ADAMTS9: variants seen among roughly 807,000 people sequenced by gnomAD.
ADAMTS9 encodes ADAM metallopeptidase with thrombospondin type 1 motif 9, also known as A disintegrin and metalloproteinase with thrombospondin motifs 9.
A neutral mutation model predicts 257.1 loss-of-function variants in ADAMTS9; 107 were observed. The ratio of observed to expected loss-of-function variants is 0.42; its 90% CI spans 0.36 to 0.49. The LOEUF is 0.49. ADAMTS9 is among the 20% of genes least tolerant of loss of function. The probability of loss-of-function intolerance (pLI) is 0.03; values close to 1 mark genes in which losing one functional copy is unlikely to be tolerated. For missense variants in ADAMTS9, 2,353 were observed against 2,469.1 expected (o/e 0.95, Z 1.00); for synonymous variants, 982 against 880.9 (o/e 1.11, Z -2.03).
rs1476974368 is a variant in ADAMTS9 at position 64,687,382 on chromosome 3, T to G, written c.115+161A>C. Among the ~76,000 whole-genome samples, 1 of 152,010 alleles carries G rather than the reference T, an allele frequency of 6.6e-6. No homozygotes were observed. Among genetic ancestry groups the G allele is most frequent in the Non-Finnish European group, 1.5e-5 (1 of 68,004 alleles). ...TTTCCATAGTGTCCCTCCCTAGCAA[T>G]TGGTTGGGGATGACCCAAAGAAGGG... On this transcript the variant is annotated intron_variant, in intron 1 of 39. Transcript: ENST00000498707. The surrounding 1 kb of genome is among the most constrained non-coding windows in gnomAD (Gnocchi z 4.4).
rs149822720 is a variant in ADAMTS9, at chr3:64,572,486, T to C, written c.4357-3951A>G. The stretch of plus-strand genomic sequence containing the variant: ...TCTCTGGTTTTAGGGATGCCCCACA[T>C]TGGTCCTTTCACTTATACAGAGGAA... On this transcript the variant is annotated intron_variant, in intron 28 of 39. Transcript: ENST00000498707. 5.5e-3 allele frequency among the ~76,000 whole-genome samples: 835 copies of C among 152,274 alleles called. 13 individuals are homozygous for C. The highest frequency in any genetic ancestry group is 0.04 in the East Asian group (208 of 5,154).
chr3:64,646,971 C>G (rs1700809706), intron 11 of ADAMTS9, among the ~76,000 whole-genome samples: 1 of 152,154 alleles, frequency 6.6e-6, no homozygotes, highest in Non-Finnish European at 1.5e-5. Context: ...GTTCCATCAT[C>G]TCTTAGGACT....
intron 22 of ADAMTS9, among the ~76,000 whole-genome samples, chr3:64,610,695 G>A (rs1015236952): frequency 1.3e-5 from 2 of 152,064 alleles, no homozygotes; most frequent in Admixed American, 1.3e-4. Context: ...TTTTGGCGAG[G>A]ATGTGGAGAG....
In ADAMTS9 at chr3:64,687,186, A is replaced by AT. The variant is rs1176452860; in HGVS notation, c.116-219dup. On this transcript the variant is annotated intron_variant, in intron 1 of 39. Transcript: ENST00000498707. This position sits in a 1 kb window ranked among gnomAD's most constrained non-coding sequence, Gnocchi z 4.4. ...AGGATACACTATTCCGAGCCAGACA[A>AT]TTAACAAGTCAAAATATATATGATT... is the stretch of plus-strand genomic sequence containing the variant. Among the ~76,000 whole-genome samples the AT allele has an allele frequency of 1.4e-4, 22 of 152,222 alleles. No individual in the cohort carries two copies. The highest frequency in any genetic ancestry group is 5.1e-4 in the African/African-American group (21 of 41,458).
At chr3:64,659,270 C>A (rs774470870) in intron 3 of ADAMTS9, among the ~76,000 whole-genome samples, 1 of 152,058 alleles carries the variant, frequency 6.6e-6, no homozygotes, top group African/African-American at 2.4e-5. Context: ...GAGTTTGAGA[C>A]CAGACTGGCC....
At chr3:64,641,754 G>A (rs1700647229) in intron 12 of ADAMTS9, 94 bp downstream of exon 12, 6 of 1,498,912 alleles carry the variant, frequency 4.0e-6, no homozygotes, top group Non-Finnish European at 5.5e-6. Context: ...AGCTCTCTAA[G>A]TTGGAATGTA....
chr3:64,571,158 A>C (rs2083675198), intron 28 of ADAMTS9, among the ~76,000 whole-genome samples: 1 of 152,260 alleles, frequency 6.6e-6, no homozygotes, highest in Non-Finnish European at 1.5e-5. Flanking sequence ...AAAGTTGGCA[A>C]CAACCTGTAG....
At chr3:64,597,860 T>C (rs2084392484) in intron 26 of ADAMTS9, among the ~76,000 whole-genome samples, 1 of 152,204 alleles carries the variant, frequency 6.6e-6, no homozygotes, top group African/African-American at 2.4e-5. Context: ...TCAGTTTGCC[T>C]ATAAAATAAT....
At chr3:64,531,571 G>A (rs928022251) in intron 38 of ADAMTS9, among the ~76,000 whole-genome samples, 1 of 151,906 alleles carries the variant, frequency 6.6e-6, no homozygotes, top group Non-Finnish European at 1.5e-5. Flanking sequence ...GGGCTCAAGG[G>A]ATCCTCCCAC....
In ADAMTS9 at chr3:64,567,844, A is replaced by T. The variant is rs532351376; in HGVS notation, c.4524+524T>A. 5.3e-5 allele frequency among the ~76,000 whole-genome samples: 8 copies of T among 152,222 alleles called. No individual in the cohort carries two copies. In the South Asian group the frequency reaches 1.7e-3, roughly 32 times the overall value. ...AGAGCCATGTGTAGTAGGCTCAGGAAAATTAAATTACCCAAGGTCATATAG... is the reference window on the plus strand; with the variant it reads ...AGAGCCATGTGTAGTAGGCTCAGGATAATTAAATTACCCAAGGTCATATAG... On this transcript the variant is annotated intron_variant, in intron 29 of 39. Transcript: ENST00000498707.
At chr3:64,641,336 ATACTT>A (rs1391801494) in intron 12 of ADAMTS9, among the ~76,000 whole-genome samples, 2 of 143,868 alleles carry the variant, frequency 1.4e-5, no homozygotes, top group Non-Finnish European at 3.0e-5. Context: ...TATTATTACT[ATACTT>A]TAAGTTTTAG....
chr3:64,664,146 G>C (rs1701288239), intron 3 of ADAMTS9, among the ~76,000 whole-genome samples: 1 of 152,150 alleles, frequency 6.6e-6, no homozygotes. Context: ...TTTGCTTACA[G>C]TTTAATCAGA....
intron 30 of ADAMTS9, 103 bp downstream of exon 30, chr3:64,561,475 C>A: frequency 7.6e-7 from 1 of 1,314,918 alleles, no homozygotes; most frequent in Middle Eastern, 2.1e-4. Flanking sequence ...AGCATTGTAA[C>A]CGTGCTCGGT....
rs952626342 is a variant in ADAMTS9, at chr3:64,541,712, T to A, written c.5198-92A>T. The A allele has an allele frequency of 1.9e-5, 29 of 1,558,946 alleles. No individual in the cohort carries two copies. In the African/African-American group the frequency reaches 2.9e-4, roughly 15 times the overall value. ...TGAATGACATTGTTCGCACTAAAACTTTTTAGCAAAGCGAATGATTTCCTT... is the reference window on the plus strand; with the variant it reads ...TGAATGACATTGTTCGCACTAAAACATTTTAGCAAAGCGAATGATTTCCTT... On this transcript the variant is annotated intron_variant, in intron 33 of 39. Coordinates refer to ENST00000498707, the MANE Select transcript of ADAMTS9 (RefSeq NM_182920.2).
At chr3:64,568,732 T>A in intron 28 of ADAMTS9, 197 bp from the exon 29 acceptor site, 1 of 575,164 alleles carries the variant, frequency 1.7e-6, no homozygotes, top group Non-Finnish European at 2.9e-6. Flanking sequence ...TCCACAGCAT[T>A]ACAGCAGCAA....
chr3:64,616,189 G>A lies in ADAMTS9; in HGVS notation c.2814-19C>T. On this transcript the variant is annotated intron_variant, in intron 19 of 39. Coordinates refer to ENST00000498707, the MANE Select transcript of ADAMTS9 (RefSeq NM_182920.2). ...ATGCCACCTATGCAAAAATAATGGG[G>A]CAAAACCAACATTTCTGTTAAAAAT... is the stretch of plus-strand genomic sequence containing the variant. The A allele has an allele frequency of 6.2e-7, 1 of 1,612,436 alleles. No individual in the cohort carries two copies. The highest frequency in any genetic ancestry group is 1.1e-5 in the South Asian group (1 of 91,030).
chr3:64,567,068 A>AG (rs2083563415), intron 29 of ADAMTS9, among the ~76,000 whole-genome samples: 1 of 152,160 alleles, frequency 6.6e-6, no homozygotes. Context: ...AGGCCTTGAG[A>AG]GGCATGAGGC....
chr3:64,622,379 A>G (rs758667854), intron 17 of ADAMTS9, 41 bp downstream of exon 17: 4 of 1,612,808 alleles, frequency 2.5e-6, no homozygotes, highest in Admixed American at 1.7e-5. Context: ...AGTAATGCCA[A>G]GCAGAAGAAA....
intron 3 of ADAMTS9, among the ~76,000 whole-genome samples, chr3:64,679,780 A>C (rs1701707662): frequency 6.6e-6 from 1 of 152,204 alleles, no homozygotes. Flanking sequence ...CAGATTTGGG[A>C]AGTCAAGAAG....
Sources: allele counts gnomAD v4.1 joint callset (sites outside exome capture counted in the v4.1 genomes callset), GRCh38; gene constraint gnomAD v4.1.1; non-coding constraint Gnocchi (gnomAD v3.1); transcripts MANE v1.5; gene names NCBI Gene and HGNC (gene_info 2026-07-23, HGNC 2026-07-21).